KIF21A: variants seen among roughly 807,000 people sequenced by gnomAD.
The protein encoded by KIF21A is kinesin-like protein KIF21A.
A neutral mutation model predicts 202.9 loss-of-function variants in KIF21A; 114 were observed. The ratio of observed to expected loss-of-function variants is 0.56; its 90% CI spans 0.48 to 0.66. The LOEUF (loss-of-function observed/expected upper bound fraction) is 0.66, where lower values mean the gene tolerates loss of function less well. Among genes scored for constraint, KIF21A ranks in the 30% least tolerant of loss-of-function variants. KIF21A has a pLI of 0.00. For synonymous variants in KIF21A, 667 were observed against 670.8 expected, an observed-to-expected ratio of 0.99 and a Z score of 0.09; for missense variants, 1,677 against 1,994.9, an observed-to-expected ratio of 0.84 and a Z score of 3.04.
chr12:39,341,734 G>C (rs1947460267), intron 13 of KIF21A, 112 bp from the exon 14 acceptor site: 5 of 1,152,976 alleles, frequency 4.3e-6, no homozygotes, highest in South Asian at 4.1e-5. Context: ...AAATTCACTT[G>C]TCATCAGTAT....
At position 39,436,422 on chromosome 12, in the gene KIF21A, T is replaced by TTATATA. The variant is rs1199818833; in HGVS notation, c.44+6499_44+6504dup. 9.7e-3 allele frequency among the ~76,000 whole-genome samples: 959 copies of TTATATA among 99,076 alleles called. 17 individuals carry two copies. The highest frequency in any genetic ancestry group is 0.03 in the Middle Eastern group (6 of 198). The allele number at this position is 99,076 out of a possible 152,430, so 65.0% of individuals were successfully genotyped here. A position where few individuals can be genotyped will look rare whatever the true frequency, so the allele number is the denominator to read the frequency against. Reference sequence around the variant, plus strand: ...TCAATAATTATAAGGGTTTACTATATTATATATATATATATATATATATAT... The same window carrying TTATATA: ...TCAATAATTATAAGGGTTTACTATATTATATATATATATATATATATATATATATAT... On this transcript the variant is annotated intron_variant, in intron 1 of 37. Transcript: ENST00000361418.
chr12:39,365,060 G>A (rs1949504439), intron 6 of KIF21A, among the ~76,000 whole-genome samples: 1 of 152,224 alleles, frequency 6.6e-6, no homozygotes, highest in Non-Finnish European at 1.5e-5. Flanking sequence ...ATGCAGACTG[G>A]TAATCTGGCT....
Position 39,335,132 on chromosome 12 carries a change from A to G in KIF21A, c.2419-1852T>C, listed in dbSNP as rs187285794. On this transcript the variant is annotated intron_variant, in intron 17 of 37. Transcript: ENST00000361418. ...TTGAAAACATCGTGTTAAATAAAAGAAGCCAGACACAGCTGGGTGCAGTGG... is the reference window on the plus strand; with the variant it reads ...TTGAAAACATCGTGTTAAATAAAAGGAGCCAGACACAGCTGGGTGCAGTGG... Among the ~76,000 whole-genome samples the G allele has an allele frequency of 4.3e-4, 65 of 152,278 alleles. 1 individual carries two copies. The highest frequency in any genetic ancestry group is 2.8e-3 in the Admixed American group (43 of 15,298).
chr12:39,421,858 T>A (rs1161331862), intron 1 of KIF21A, among the ~76,000 whole-genome samples: 1 of 146,870 alleles, frequency 6.8e-6, no homozygotes, highest in Non-Finnish European at 1.5e-5. Flanking sequence ...ATAATTTATA[T>A]ATATAAATAA....
intron 1 of KIF21A, among the ~76,000 whole-genome samples, chr12:39,375,214 A>G (rs1950195639): frequency 6.6e-6 from 1 of 152,218 alleles, no homozygotes; most frequent in African/African-American, 2.4e-5. Context: ...TGTCCTAAAT[A>G]AAACAAAAGT....
chr12:39,343,160 G>A (rs1305824178), intron 12 of KIF21A, among the ~76,000 whole-genome samples: 4 of 151,982 alleles, frequency 2.6e-5, no homozygotes, highest in African/African-American at 9.7e-5. Flanking sequence ...TCAGGCATTT[G>A]AGTCCAGCCT....
At chr12:39,438,109 T>A (rs553264147) in intron 1 of KIF21A, among the ~76,000 whole-genome samples, 1 of 152,244 alleles carries the variant, frequency 6.6e-6, no homozygotes, top group African/African-American at 2.4e-5. Flanking sequence ...TGAGACACAT[T>A]TTTCTCCTCT....
At chr12:39,311,271 T>C in intron 32 of KIF21A, 146 bp downstream of exon 32, 1 of 708,442 alleles carries the variant, frequency 1.4e-6, no homozygotes. Context: ...TGCAATAATT[T>C]TATATATTTT....
chr12:39,416,740 TATATATATGTAC>T lies in KIF21A; in HGVS notation c.44+26175_44+26186del, dbSNP rs1953725556. ...GTATATATGTACATATATATGTGTA[TATATATATGTAC>T]ATATATATGTGTATATATATATGTA... is the stretch of plus-strand genomic sequence containing the variant. On this transcript the variant is annotated intron_variant, in intron 1 of 37. Coordinates refer to ENST00000361418, the MANE Select transcript of KIF21A (RefSeq NM_001173464.2). Among the ~76,000 whole-genome samples the T allele has an allele frequency of 2.1e-5, 2 of 93,144 alleles. 1 individual carries two copies. The highest frequency in any genetic ancestry group is 1.9e-4 in the African/African-American group (2 of 10,512). 61.1% of individuals were successfully genotyped at this position (93,144 alleles called of 152,430 possible).
intron 1 of KIF21A, among the ~76,000 whole-genome samples, chr12:39,390,447 T>A (rs1237614280): frequency 6.6e-6 from 1 of 152,156 alleles, no homozygotes; most frequent in Non-Finnish European, 1.5e-5. Flanking sequence ...GATGTTAGAT[T>A]TTATTTCCTT....
chr12:39,381,141 T>TA (rs1043326839), intron 1 of KIF21A, among the ~76,000 whole-genome samples: 2 of 151,356 alleles, frequency 1.3e-5, no homozygotes, highest in Admixed American at 1.3e-4. Flanking sequence ...CCGTCTCTAC[T>TA]AAAAAAATAC....
In KIF21A at chr12:39,314,587, T is replaced by C. The variant is rs75901902; in HGVS notation, c.3959+642A>G. Among the ~76,000 whole-genome samples the C allele has an allele frequency of 7.2e-3, 1,087 of 151,976 alleles. 9 individuals are homozygous for C. Among genetic ancestry groups the C allele is most frequent in the African/African-American group, 0.025 (1,045 of 41,548 alleles). On this transcript the variant is annotated intron_variant, in intron 31 of 37. Coordinates refer to ENST00000361418, the MANE Select transcript of KIF21A (RefSeq NM_001173464.2). Reference sequence around the variant, plus strand: ...TTAACAGCCTAAGAGCTATTTTCAATGTGCATTTAATAACAAATCTTCTTA... The same window carrying C: ...TTAACAGCCTAAGAGCTATTTTCAACGTGCATTTAATAACAAATCTTCTTA...
chr12:39,413,905 T>A (rs1953322583), intron 1 of KIF21A, among the ~76,000 whole-genome samples: 1 of 152,008 alleles, frequency 6.6e-6, no homozygotes, highest in Non-Finnish European at 1.5e-5. Context: ...AAAGTTGTTT[T>A]CCCATAAAAA....
intron 31 of KIF21A, chr12:39,312,333 T>A (rs2137404943): frequency 6.6e-6 from 1 of 152,012 alleles, no homozygotes; most frequent in Admixed American, 6.6e-5. Flanking sequence ...ACAACTGAAC[T>A]CATGGACATA....
intron 16 of KIF21A, 70 bp from the exon 17 acceptor site, chr12:39,337,273 T>C: frequency 1.0e-6 from 1 of 964,986 alleles, no homozygotes; most frequent in Non-Finnish European, 1.7e-6. Flanking sequence ...ACCACATATA[T>C]GGAAGTAAGT....
rs1164491796 is a variant in KIF21A, at chr12:39,366,517, C to A, written c.736G>T (p.Asp246Tyr). The change falls in exon 6 of 38, where the codon GAC becomes TAC. Residue 246 changes from aspartate to tyrosine, a missense_variant and splice_region_variant. This residue lies in a region of KIF21A where 966 missense variants were observed against 1,180.9 expected (regional missense o/e 0.82). Coordinates refer to ENST00000361418, the MANE Select transcript of KIF21A (RefSeq NM_001173464.2). ...QTRVCPQIDADNATDNKIISE... is the reference protein window; with the variant it reads ...QTRVCPQIDAYNATDNKIISE... ...ATAATTTTATTATCAGTTGCATTGT[C>A]CTGAAATTAAGAAAAATAATTGAAA... The A allele has an allele frequency of 6.3e-7, 1 of 1,593,662 alleles. No individual in the cohort carries two copies. Among genetic ancestry groups the A allele is most frequent in the Admixed American group, 1.7e-5 (1 of 59,642 alleles).
At chr12:39,377,146 T>G (rs1950320346) in intron 1 of KIF21A, among the ~76,000 whole-genome samples, 2 of 152,258 alleles carry the variant, frequency 1.3e-5, no homozygotes, top group South Asian at 4.1e-4. Context: ...TTCTTTTACT[T>G]ACACCTATCT....
At chr12:39,324,091 T>C (rs148761541) in intron 26 of KIF21A, among the ~76,000 whole-genome samples, 5,758 of 151,740 alleles carry the variant, frequency 0.038, 131 homozygotes, top group African/African-American at 0.065. Context: ...GTCTGGGCGA[T>C]AGAGCAAGAC....
chr12:39,363,085 C>A lies in KIF21A; in HGVS notation c.1019+13G>T, dbSNP rs1035231134. The A allele has an allele frequency of 1.4e-6, 2 of 1,411,896 alleles. No individual in the cohort carries two copies. The highest frequency in any genetic ancestry group is 2.0e-6 in the Non-Finnish European group (2 of 995,972). The allele number at this position is 1,411,896 out of a possible 1,614,324, so 87.5% of individuals were successfully genotyped here. A position where few individuals can be genotyped will look rare whatever the true frequency, so the allele number is the denominator to read the frequency against. Reference sequence around the variant, plus strand: ...ATCAAAAGTCTGAGTAGAGGATAATCATCTATGCATACCTATTACCCCCGA... The same window carrying A: ...ATCAAAAGTCTGAGTAGAGGATAATAATCTATGCATACCTATTACCCCCGA... On this transcript the variant is annotated intron_variant, in intron 7 of 37. Transcript: ENST00000361418.
Sources: gnomAD v4.1 joint callset for allele counts (sites outside exome capture counted in the v4.1 genomes callset) on GRCh38, gnomAD v4.1.1 for gene constraint, gnomAD v4.1.1 regional missense constraint, MANE v1.5 for transcripts, NCBI Gene and HGNC (gene_info 2026-07-23, HGNC 2026-07-21) for gene names.